The following KLHL18 variants were observed in gnomAD, a reference collection of about 807,000 sequenced individuals.
KLHL18 encodes kelch like family member 18.
In KLHL18, 38 loss-of-function variants were observed where a neutral mutation model predicts 58.5. The ratio of observed to expected loss-of-function variants is 0.65; its 90% CI spans 0.50 to 0.85. KLHL18 has a LOEUF of 0.85. KLHL18 is among the 40% of genes least tolerant of loss of function. The probability of loss-of-function intolerance (pLI) is 0.00; values close to 1 mark genes in which losing one functional copy is unlikely to be tolerated. For synonymous variants in KLHL18, 303 were observed against 301.9 expected (o/e 1.00, Z -0.04); for missense variants, 624 against 778.4 (o/e 0.80, Z 2.36).
chr3:47,286,378 C>T (rs1234435476), intron 1 of KLHL18, among the ~76,000 whole-genome samples: 1 of 152,224 alleles, frequency 6.6e-6, no homozygotes, highest in African/African-American at 2.4e-5. Flanking sequence ...TATTTTGTCT[C>T]TCTTTCTTGT....
chr3:47,331,871 G>A (rs977362957), intron 4 of KLHL18, among the ~76,000 whole-genome samples: 1 of 152,106 alleles, frequency 6.6e-6, no homozygotes, highest in Non-Finnish European at 1.5e-5. Context: ...TCTGGAATAA[G>A]TGAGGACAGT....
At chr3:47,284,969 C>T (rs1702643817) in intron 1 of KLHL18, among the ~76,000 whole-genome samples, 1 of 152,128 alleles carries the variant, frequency 6.6e-6, no homozygotes, top group South Asian at 2.1e-4. Context: ...CAGGCGCCCG[C>T]CACCACGCCC....
chr3:47,325,444 G>A (rs1031426979), intron 3 of KLHL18, among the ~76,000 whole-genome samples: 1 of 152,126 alleles, frequency 6.6e-6, no homozygotes, highest in Non-Finnish European at 1.5e-5. Context: ...TGATCCGCCC[G>A]CCTCAGCCTC....
chr3:47,306,842 TTA>T (rs1703158938), intron 1 of KLHL18, among the ~76,000 whole-genome samples: 1 of 152,224 alleles, frequency 6.6e-6, no homozygotes. Context: ...GGATGTGAAA[TTA>T]TATCTCATTG....
At chr3:47,313,625 A>G (rs1703356792) in intron 1 of KLHL18, among the ~76,000 whole-genome samples, 1 of 152,172 alleles carries the variant, frequency 6.6e-6, no homozygotes, top group African/African-American at 2.4e-5. Flanking sequence ...TTCAGTTGCA[A>G]TCTTATTCAG....
At chr3:47,283,669 C>T (rs1270644468) in intron 1 of KLHL18, among the ~76,000 whole-genome samples, 1 of 152,180 alleles carries the variant, frequency 6.6e-6, no homozygotes, top group African/African-American at 2.4e-5. Context: ...CCACAAAGGT[C>T]CCCGGGGCTG....
At chr3:47,285,568 A>G (rs1702657732) in intron 1 of KLHL18, among the ~76,000 whole-genome samples, 1 of 152,040 alleles carries the variant, frequency 6.6e-6, no homozygotes, top group Non-Finnish European at 1.5e-5. Flanking sequence ...GAAAAAAAAA[A>G]AAAGATTTAG....
chr3:47,304,459 T>A (rs1024278538), intron 1 of KLHL18, among the ~76,000 whole-genome samples: 1 of 152,028 alleles, frequency 6.6e-6, no homozygotes, highest in Non-Finnish European at 1.5e-5. Flanking sequence ...GCTACGATTA[T>A]GCCACTGCAC....
intron 3 of KLHL18, among the ~76,000 whole-genome samples, chr3:47,324,285 T>C (rs1011183171): frequency 1.2e-4 from 17 of 140,644 alleles, no homozygotes; most frequent in Admixed American, 1.5e-4. Context: ...TCCTTTTTTC[T>C]TTTTCTTTCT....
At chr3:47,343,097 T>A (rs2107668046) in intron 9 of KLHL18, among the ~76,000 whole-genome samples, 1 of 152,340 alleles carries the variant, frequency 6.6e-6, no homozygotes, top group East Asian at 1.9e-4. Flanking sequence ...CTTGTGAGAT[T>A]CCTGCCCAAA....
intron 1 of KLHL18, among the ~76,000 whole-genome samples, chr3:47,305,334 GTTTTT>G (rs397744565): frequency 2.8e-5 from 2 of 70,388 alleles, no homozygotes; most frequent in African/African-American, 5.1e-5. Context: ...ATTTTGTCAA[GTTTTT>G]TTTTTTTTTT....
At chr3:47,333,377 G>A in intron 5 of KLHL18, 60 bp downstream of exon 5, 2 of 1,507,282 alleles carry the variant, frequency 1.3e-6, no homozygotes, top group African/African-American at 1.4e-5. Flanking sequence ...AAGAGGAGTT[G>A]GCCACCTGTT....
At chr3:47,305,377 ACTT>A (rs1317291405) in intron 1 of KLHL18, among the ~76,000 whole-genome samples, 1 of 79,538 alleles carries the variant, frequency 1.3e-5, no homozygotes, top group Non-Finnish European at 2.6e-5. Flanking sequence ...GGGTTGTGTC[ACTT>A]CTTTTTTCTT....
chr3:47,290,028 A>G (rs1049244982), intron 1 of KLHL18, among the ~76,000 whole-genome samples: 2 of 152,242 alleles, frequency 1.3e-5, no homozygotes, highest in Admixed American at 1.3e-4. Context: ...AACATTTTTA[A>G]GCCATCATTT....
chr3:47,308,170 T>C lies in KLHL18; in HGVS notation c.130-11483T>C, dbSNP rs1214185149. On this transcript the variant is annotated intron_variant, in intron 1 of 9. Transcript: ENST00000232766. ...TGTTAAAGCTTAGTCTTAACCCCACTGATCCCAAGGGCATTCTTTCCATGC... is the reference window on the plus strand; with the variant it reads ...TGTTAAAGCTTAGTCTTAACCCCACCGATCCCAAGGGCATTCTTTCCATGC... 2.6e-5 allele frequency among the ~76,000 whole-genome samples: 4 copies of C among 152,248 alleles called. No homozygotes were observed. In the East Asian group the frequency reaches 7.7e-4, roughly 29 times the overall value.
At chr3:47,329,321 G>A (rs1394563411) in intron 3 of KLHL18, among the ~76,000 whole-genome samples, 1 of 152,042 alleles carries the variant, frequency 6.6e-6, no homozygotes, top group Non-Finnish European at 1.5e-5. Context: ...TCCGCCTCCT[G>A]GGTTCACAGC....
At chr3:47,312,232 G>GT (rs1559493715) in intron 1 of KLHL18, among the ~76,000 whole-genome samples, 1 of 152,128 alleles carries the variant, frequency 6.6e-6, no homozygotes, top group African/African-American at 2.4e-5. Context: ...GTATTCATGG[G>GT]TATAGCTATT....
intron 1 of KLHL18, among the ~76,000 whole-genome samples, chr3:47,284,764 C>T (rs1702635108): frequency 6.6e-6 from 1 of 152,140 alleles, no homozygotes. Context: ...GGATTAAAAT[C>T]CTAGTTGTAA....
At chr3:47,315,592 C>T (rs1703401599) in intron 1 of KLHL18, among the ~76,000 whole-genome samples, 1 of 152,164 alleles carries the variant, frequency 6.6e-6, no homozygotes, top group African/African-American at 2.4e-5. Flanking sequence ...AGAAAAAGTC[C>T]TGAAGATACT....
Sources: allele counts gnomAD v4.1 joint callset (sites outside exome capture counted in the v4.1 genomes callset), GRCh38; gene constraint gnomAD v4.1.1; transcripts MANE v1.5; gene names NCBI Gene and HGNC (gene_info 2026-07-23, HGNC 2026-07-21).